Variants in SLC25A28 observed in about 807,000 individuals in gnomAD.
SLC25A28 encodes solute carrier family 25 member 28, also known as mitoferrin-2.
In SLC25A28, 10 loss-of-function variants were observed where a neutral mutation model predicts 31.9. The observed-to-expected ratio is 0.31, with a 90% CI of 0.19 to 0.53. SLC25A28 has a LOEUF of 0.53. Ranked by LOEUF, SLC25A28 falls within the 20% of genes least tolerant of loss-of-function variation. The pLI, the probability that SLC25A28 is intolerant of heterozygous loss-of-function variation, is 0.95. For missense variants in SLC25A28, 256 were observed against 490.3 expected, an observed-to-expected ratio of 0.52 and a Z score of 4.51; for synonymous variants, 208 against 203.6, an observed-to-expected ratio of 1.02 and a Z score of -0.19.
At chr10:99,614,029 AGGGATATCT>A (rs1327861913) in intron 1 of SLC25A28, 105 bp from the exon 2 acceptor site, 2 of 1,344,432 alleles carry the variant, frequency 1.5e-6, no homozygotes, top group Non-Finnish European at 2.0e-6. Flanking sequence ...AATCTGTGAG[AGGGATATCT>A]GGCTTTCAGC....
chr10:99,641,179 C>T, the SLC25A28 span, among the ~76,000 whole-genome samples: 1 of 152,204 alleles, frequency 6.6e-6, no homozygotes, highest in Non-Finnish European at 1.5e-5. Flanking sequence ...TACAGTCCCA[C>T]CAACAGTGTA....
the SLC25A28 span, among the ~76,000 whole-genome samples, chr10:99,640,187 C>G: frequency 6.6e-6 from 1 of 152,148 alleles, no homozygotes; most frequent in Non-Finnish European, 1.5e-5. Context: ...TACCACAAAA[C>G]TTAGTAGCTT....
chr10:99,623,034 A>G (rs1308736770), upstream of SLC25A28, among the ~76,000 whole-genome samples: 1 of 152,180 alleles, frequency 6.6e-6, no homozygotes, highest in Non-Finnish European at 1.5e-5. Flanking sequence ...GTGGTATGAT[A>G]TAGTGTGACT....
At chr10:99,627,137 A>T in the SLC25A28 span, among the ~76,000 whole-genome samples, 1 of 152,136 alleles carries the variant, frequency 6.6e-6, no homozygotes, top group Non-Finnish European at 1.5e-5. Flanking sequence ...GCTACTTGGG[A>T]GGCTGAGGCA....
At chr10:99,653,731 A>T in the SLC25A28 span, 5 of 152,132 alleles carry the variant, frequency 3.3e-5, no homozygotes, top group African/African-American at 1.2e-4. Flanking sequence ...AAATTACTGT[A>T]TTTCACTTTG....
the SLC25A28 span, among the ~76,000 whole-genome samples, chr10:99,646,317 C>G: frequency 3.3e-5 from 5 of 152,230 alleles, no homozygotes; most frequent in Admixed American, 3.3e-4. Flanking sequence ...GACTGCTGTG[C>G]TAGCAGTGAG....
chr10:99,625,325 C>T (rs1251461097), upstream of SLC25A28, among the ~76,000 whole-genome samples: 4 of 151,682 alleles, frequency 2.6e-5, no homozygotes, highest in Non-Finnish European at 4.4e-5. Context: ...TGTTCCCCCA[C>T]ATCCTGCTGA....
intron 1 of SLC25A28, chr10:99,617,637 A>T: frequency 1.0e-6 from 1 of 985,460 alleles, no homozygotes; most frequent in Non-Finnish European, 1.2e-6. Context: ...ACTCACTGAC[A>T]CTAAATCATA....
At chr10:99,648,242 C>G in the SLC25A28 span, among the ~76,000 whole-genome samples, 1 of 151,764 alleles carries the variant, frequency 6.6e-6, no homozygotes, top group Admixed American at 6.6e-5. Flanking sequence ...TCAAGTAATC[C>G]ACCCTCTGTC....
chr10:99,643,665 G>A, the SLC25A28 span, among the ~76,000 whole-genome samples: 1 of 152,082 alleles, frequency 6.6e-6, no homozygotes, highest in Non-Finnish European at 1.5e-5. Flanking sequence ...GTTAGGGTAT[G>A]AATTTTAGAT....
At chr10:99,619,156 T>A (rs1419885786) in intron 1 of SLC25A28, 1 of 985,300 alleles carries the variant, frequency 1.0e-6, no homozygotes, top group African/African-American at 1.7e-5. Flanking sequence ...ACATAAATCA[T>A]CCTGCTTGGT....
chr10:99,633,660 C>A, the SLC25A28 span, among the ~76,000 whole-genome samples: 3 of 104,222 alleles, frequency 2.9e-5, no homozygotes, highest in Non-Finnish European at 1.9e-5. Context: ...CAGAGGGAGA[C>A]TCTGTCTTAA....
the SLC25A28 span, among the ~76,000 whole-genome samples, chr10:99,658,897 C>T: frequency 1.3e-5 from 2 of 152,312 alleles, no homozygotes; most frequent in East Asian, 3.9e-4. Context: ...TTCATGATGA[C>T]TGGCATAAGC....
At chr10:99,626,643 A>G in the SLC25A28 span, among the ~76,000 whole-genome samples, 50 of 152,356 alleles carry the variant, frequency 3.3e-4, no homozygotes, top group African/African-American at 1.2e-3. Context: ...CAAAGCCTTC[A>G]ATCAAGATAT....
intron 1 of SLC25A28, among the ~76,000 whole-genome samples, 200 bp from the exon 2 acceptor site, chr10:99,614,124 T>C (rs1016401101): frequency 1.3e-5 from 2 of 152,232 alleles, no homozygotes; most frequent in African/African-American, 2.4e-5. Context: ...ACCCTAAGAA[T>C]GGAACACCAT....
Position 99,610,809 on chromosome 10 carries a change from A to T in SLC25A28, c.*40T>A. 1 of 1,588,782 alleles carries T rather than the reference A, an allele frequency of 6.3e-7. No homozygotes were observed. Among genetic ancestry groups the T allele is most frequent in the Non-Finnish European group, 8.6e-7 (1 of 1,165,238 alleles). On this transcript the variant is annotated 3_prime_UTR_variant, in exon 4 of 4. Transcript: ENST00000370495. Reference sequence around the variant, plus strand: ...GAGACAGAGAATGTGACCAGGATGCAGCAGTGTCATCTGAACCCCTGGCTT... The same window carrying T: ...GAGACAGAGAATGTGACCAGGATGCTGCAGTGTCATCTGAACCCCTGGCTT...
the SLC25A28 span, among the ~76,000 whole-genome samples, chr10:99,644,652 A>G: frequency 2.6e-5 from 4 of 152,288 alleles, no homozygotes; most frequent in South Asian, 2.1e-4. Context: ...CCTAGCATCA[A>G]TGGTCTTTAC....
chr10:99,632,415 CCA>C, the SLC25A28 span, among the ~76,000 whole-genome samples: 1 of 151,934 alleles, frequency 6.6e-6, no homozygotes, highest in Non-Finnish European at 1.5e-5. Context: ...AACCAGTCCC[CCA>C]TGGATACTGA....
chr10:99,615,414 A>C, intron 1 of SLC25A28: 1 of 985,090 alleles, frequency 1.0e-6, no homozygotes, highest in South Asian at 4.7e-5. Context: ...ATCCAAGAGT[A>C]ATACCTTTCC....
Sources: gnomAD v4.1 joint callset for allele counts (sites outside exome capture counted in the v4.1 genomes callset) on GRCh38, gnomAD v4.1.1 for gene constraint, MANE v1.5 for transcripts, NCBI Gene and HGNC (gene_info 2026-07-23, HGNC 2026-07-21) for gene names.